Variants in CTNNA2 observed in about 807,000 individuals in gnomAD.
The protein encoded by CTNNA2 is catenin alpha 2, also known as catenin alpha-2.
A neutral mutation model predicts 101.0 loss-of-function variants in CTNNA2; 42 were observed. The ratio of observed to expected loss-of-function variants is 0.42; its 90% CI spans 0.32 to 0.54. The LOEUF is 0.54. Ranked by LOEUF, CTNNA2 falls within the 20% of genes least tolerant of loss-of-function variation. CTNNA2 has a pLI of 0.14. For synonymous variants in CTNNA2, 450 were observed against 456.4 expected (o/e 0.99, Z 0.18); for missense variants, 871 against 1,223.1 (o/e 0.71, Z 4.29).
At chr2:80,399,001 C>T (rs1004465603) in intron 8 of CTNNA2, among the ~76,000 whole-genome samples, 7 of 151,250 alleles carry the variant, frequency 4.6e-5, no homozygotes, top group Non-Finnish European at 8.8e-5. Flanking sequence ...CTTCACCTCC[C>T]GGGCTAAAGT....
At chr2:79,608,614 C>CTA (rs879812591) in intron 1 of CTNNA2, among the ~76,000 whole-genome samples, 7,709 of 152,010 alleles carry the variant, frequency 0.051, 613 homozygotes, top group African/African-American at 0.17. Context: ...TATTTGGAAA[C>CTA]CAATTAGTGT....
intron 3 of CTNNA2, among the ~76,000 whole-genome samples, chr2:79,842,737 A>T (rs1345239527): frequency 6.6e-6 from 1 of 151,772 alleles, no homozygotes; most frequent in Admixed American, 6.6e-5. Flanking sequence ...AAATGGAGCT[A>T]GTGTCATCCA....
intron 1 of CTNNA2, among the ~76,000 whole-genome samples, chr2:79,532,007 C>A (rs1672776844): frequency 6.6e-6 from 1 of 152,070 alleles, no homozygotes; most frequent in Non-Finnish European, 1.5e-5. Flanking sequence ...AAAATAAATC[C>A]TCCATATGAA....
chr2:80,205,589 A>G (rs1003230556), intron 7 of CTNNA2, among the ~76,000 whole-genome samples: 3 of 152,246 alleles, frequency 2.0e-5, no homozygotes, highest in Non-Finnish European at 4.4e-5. Flanking sequence ...ATATATTTCA[A>G]TCAGCAAATG....
intron 7 of CTNNA2, among the ~76,000 whole-genome samples, chr2:80,148,887 G>A (rs1355635750): frequency 2.0e-5 from 3 of 152,070 alleles, no homozygotes; most frequent in South Asian, 4.2e-4. Context: ...TTGCTGCCTT[G>A]TGTGCTCCAC....
rs200390494 is a variant in CTNNA2, at chr2:79,270,597, C to T, written c.-405-42112C>T. On this transcript the variant is annotated intron_variant, in intron 2 of 21. Coordinates refer to the CTNNA2 transcript ENST00000466387. ...CAGCCCCTACTACCCATTACCTGTT[C>T]CTCTCTATGCAGCTCCCACCTCTCA... is the stretch of plus-strand genomic sequence containing the variant. 1.8e-4 allele frequency among the ~76,000 whole-genome samples: 28 copies of T among 152,112 alleles called. No homozygotes were observed. In the East Asian group the frequency reaches 4.9e-3, roughly 26 times the overall value.
At chr2:79,837,935 G>A (rs1386595224) in intron 3 of CTNNA2, among the ~76,000 whole-genome samples, 1 of 151,958 alleles carries the variant, frequency 6.6e-6, no homozygotes, top group Non-Finnish European at 1.5e-5. Flanking sequence ...AAACAAAAGA[G>A]ACTAATATTA....
Position 79,958,717 on chromosome 2 carries a change from G to T in CTNNA2, c.1056+48920G>T, listed in dbSNP as rs372421628. Among the ~76,000 whole-genome samples the T allele has an allele frequency of 1.2e-4, 19 of 152,224 alleles. No individual in the cohort carries two copies. In the East Asian group the frequency reaches 3.7e-3, roughly 29 times the overall value. On this transcript the variant is annotated intron_variant, in intron 7 of 18. Coordinates refer to ENST00000402739, the MANE Select transcript of CTNNA2 (RefSeq NM_001282597.3). ...TGAGTCGTATTAAGCAACTGAACTTGTGGTAATTTTTTTTAGCACAAGAAT... is the reference window on the plus strand; with the variant it reads ...TGAGTCGTATTAAGCAACTGAACTTTTGGTAATTTTTTTTAGCACAAGAAT...
intron 7 of CTNNA2, among the ~76,000 whole-genome samples, chr2:80,293,138 C>T (rs183733963): frequency 5.1e-4 from 78 of 152,296 alleles, no homozygotes; most frequent in Non-Finnish European, 1.5e-5. Context: ...GGCAAAATAA[C>T]AGAGTGAGTG....
Position 80,393,219 on chromosome 2 carries a change from G to A in CTNNA2, c.1065G>A (p.Arg355=), listed in dbSNP as rs1677686491. 1 of 1,606,004 alleles carries A rather than the reference G, an allele frequency of 6.2e-7. No individual in the cohort carries two copies. Among genetic ancestry groups the A allele is most frequent in the East Asian group, 2.2e-5 (1 of 44,654 alleles). The stretch of plus-strand genomic sequence containing the variant: ...TTCTCTTTTCTTAATAGACTGGAAG[G>A]AAAGAAAAAGGAGATCCTCTCAACA... The part of the protein sequence containing the change: ...LLSEYMNNTG[R]KEKGDPLNIA... Residue 355 remains arginine (R), a synonymous_variant, in exon 8 of 19, where the codon AGG becomes AGA. Transcript: ENST00000402739.
intron 7 of CTNNA2, chr2:80,304,935 G>C (rs957865472): frequency 2.0e-4 from 62 of 306,606 alleles, no homozygotes; most frequent in African/African-American, 1.2e-3. Context: ...AAAAAAGGAG[G>C]GGGGAGGGAG....
At chr2:79,277,469 C>A (rs533161016) in intron 2 of CTNNA2, among the ~76,000 whole-genome samples, 1 of 152,046 alleles carries the variant, frequency 6.6e-6, no homozygotes, top group Non-Finnish European at 1.5e-5. Context: ...GGGGGCAAGA[C>A]AGCAGTCAGC....
chr2:79,366,916 G>A (rs532037278), intron 3 of CTNNA2, among the ~76,000 whole-genome samples: 2 of 152,236 alleles, frequency 1.3e-5, no homozygotes, highest in South Asian at 2.1e-4. Flanking sequence ...GGTATGGGAC[G>A]GTCTCACTGA....
intron 7 of CTNNA2, among the ~76,000 whole-genome samples, chr2:80,269,087 T>C (rs1014634552): frequency 2.6e-5 from 4 of 152,220 alleles, no homozygotes; most frequent in African/African-American, 9.7e-5. Context: ...ACAAATTGTA[T>C]CATCCCATTT....
At chr2:80,244,203 T>C (rs1412949725) in intron 7 of CTNNA2, among the ~76,000 whole-genome samples, 1 of 152,216 alleles carries the variant, frequency 6.6e-6, no homozygotes, top group African/African-American at 2.4e-5. Flanking sequence ...TTTCTGGCCA[T>C]TATTATAAAG....
chr2:79,346,860 T>C (rs1677275616), intron 3 of CTNNA2, among the ~76,000 whole-genome samples: 1 of 152,206 alleles, frequency 6.6e-6, no homozygotes, highest in Non-Finnish European at 1.5e-5. Flanking sequence ...CAAATTTGCA[T>C]AAAGTCCTGG....
chr2:79,214,933 C>T (rs540186679), intron 2 of CTNNA2, among the ~76,000 whole-genome samples: 1 of 151,846 alleles, frequency 6.6e-6, no homozygotes, highest in Admixed American at 6.6e-5. Context: ...GGGAAACAGG[C>T]CCTTGAAAAG....
intron 7 of CTNNA2, among the ~76,000 whole-genome samples, chr2:80,077,734 A>T (rs529977689): frequency 1.3e-5 from 2 of 152,310 alleles, no homozygotes; most frequent in East Asian, 3.9e-4. Context: ...ATAATTTTTT[A>T]AAAATATCCA....
intron 2 of CTNNA2, among the ~76,000 whole-genome samples, chr2:79,252,382 C>CT (rs2104273535): frequency 6.6e-6 from 1 of 151,768 alleles, no homozygotes; most frequent in South Asian, 2.1e-4. Flanking sequence ...ATGCTTGGAT[C>CT]TTTTTCCCAT....
Sources: gnomAD v4.1 joint callset for allele counts (sites outside exome capture counted in the v4.1 genomes callset) on GRCh38, gnomAD v4.1.1 for gene constraint, MANE v1.5 for transcripts, NCBI Gene and HGNC (gene_info 2026-07-23, HGNC 2026-07-21) for gene names.